DIP2C: variants seen among roughly 807,000 people sequenced by gnomAD.
The protein encoded by DIP2C is disco-interacting protein 2 homolog C.
In DIP2C, 33 loss-of-function variants were observed where a neutral mutation model predicts 192.4. The observed-to-expected ratio is 0.17, with a 90% CI of 0.13 to 0.23. The LOEUF is 0.23. DIP2C is among the 10% of genes least tolerant of loss of function. DIP2C has a pLI of 1.00. For synonymous variants in DIP2C, 979 were observed against 864.1 expected (o/e 1.13, Z -2.33); for missense variants, 1,537 against 2,110.1 (o/e 0.73, Z 5.32).
chr10:556,853 A>AG (rs1381502402), intron 1 of DIP2C, among the ~76,000 whole-genome samples: 1 of 152,212 alleles, frequency 6.6e-6, no homozygotes, highest in Non-Finnish European at 1.5e-5. Context: ...CGACCCTGGA[A>AG]GGGATCTGTG....
At chr10:625,637 G>A (rs780120228) in intron 1 of DIP2C, among the ~76,000 whole-genome samples, 9 of 152,182 alleles carry the variant, frequency 5.9e-5, no homozygotes, top group South Asian at 2.1e-4. Context: ...AAGATGCTAA[G>A]CCATGCACGG....
intron 1 of DIP2C, among the ~76,000 whole-genome samples, chr10:514,361 C>T (rs1315142790): frequency 6.6e-6 from 1 of 152,224 alleles, no homozygotes; most frequent in South Asian, 2.1e-4. Context: ...CCCAGTTCGA[C>T]GGCACTCAGT....
chr10:329,408 C>A (rs1957402621), intron 30 of DIP2C, 25 bp downstream of exon 30: 16 of 1,602,192 alleles, frequency 1.0e-5, no homozygotes, highest in Admixed American at 1.7e-5. Context: ...TCACAGGGCA[C>A]TGAGCTGCCA....
At chr10:539,509 C>G (rs1038997194) in intron 1 of DIP2C, among the ~76,000 whole-genome samples, 1 of 152,178 alleles carries the variant, frequency 6.6e-6, no homozygotes, top group South Asian at 2.1e-4. Flanking sequence ...TGCCCACAGA[C>G]CTTGGTATCC....
chr10:362,066 G>GAA (rs61354121), intron 22 of DIP2C, among the ~76,000 whole-genome samples: 3 of 145,286 alleles, frequency 2.1e-5, no homozygotes, highest in South Asian at 4.4e-4. Context: ...TGGTGTGGGG[G>GAA]AAAAAAAAAA....
rs143428878 is a variant in DIP2C at position 351,194 on chromosome 10, G to A, written c.2986-1740C>T. Among the ~76,000 whole-genome samples, 308 of 152,286 alleles carry A rather than the reference G, an allele frequency of 2.0e-3. 1 individual carries two copies. Among genetic ancestry groups the A allele is most frequent in the African/African-American group, 7.2e-3 (298 of 41,574 alleles). On this transcript the variant is annotated intron_variant, in intron 24 of 36. Coordinates refer to ENST00000280886, the MANE Select transcript of DIP2C (RefSeq NM_014974.3). ...GCAACCAAAAGGACGCCGCACGGAC[G>A]AACAGTATCTGGGGCTATTCATCGG... is the stretch of plus-strand genomic sequence containing the variant.
chr10:462,567 G>C (rs773201714), intron 3 of DIP2C, among the ~76,000 whole-genome samples: 10 of 152,232 alleles, frequency 6.6e-5, no homozygotes, highest in East Asian at 3.9e-4. Context: ...AGGACCAGAC[G>C]AATTCACAGC....
chr10:475,276 T>C (rs1391614404), intron 2 of DIP2C, among the ~76,000 whole-genome samples: 5 of 152,204 alleles, frequency 3.3e-5, no homozygotes, highest in African/African-American at 1.2e-4. Flanking sequence ...TTTCTCCATT[T>C]TGCTAAATGA....
chr10:617,961 G>A (rs1244622448), intron 1 of DIP2C, among the ~76,000 whole-genome samples: 1 of 152,014 alleles, frequency 6.6e-6, no homozygotes, highest in African/African-American at 2.4e-5. Context: ...TAGGAATCCT[G>A]CTTGCTTGTG....
At chr10:430,425 G>A (rs973784628) in intron 4 of DIP2C, 10 of 152,152 alleles carry the variant, frequency 6.6e-5, no homozygotes, top group East Asian at 1.9e-4. Context: ...ACAACAACCC[G>A]GAGCTCCTGG....
chr10:617,333 C>T (rs1053761620), intron 1 of DIP2C, among the ~76,000 whole-genome samples: 12 of 152,282 alleles, frequency 7.9e-5, no homozygotes, highest in African/African-American at 2.2e-4. Flanking sequence ...AGTTCCACCC[C>T]ACTCAGCTGT....
intron 1 of DIP2C, among the ~76,000 whole-genome samples, chr10:543,188 T>G (rs1261986645): frequency 6.6e-6 from 1 of 152,268 alleles, no homozygotes; most frequent in African/African-American, 2.4e-5. Flanking sequence ...CTGAATCTTC[T>G]GCGTTAGGAA....
intron 1 of DIP2C, among the ~76,000 whole-genome samples, chr10:639,291 T>G: frequency 7.6e-6 from 1 of 132,074 alleles, no homozygotes; most frequent in Non-Finnish European, 1.6e-5. Flanking sequence ...TGGGGACGCG[T>G]CAGGTCGGGA....
chr10:585,177 C>T (rs186644368), intron 1 of DIP2C, among the ~76,000 whole-genome samples: 1 of 152,186 alleles, frequency 6.6e-6, no homozygotes, highest in African/African-American at 2.4e-5. Context: ...CCTCTATGAG[C>T]CCGGAGAACA....
chr10:593,827 A>G (rs1367890723), intron 1 of DIP2C, among the ~76,000 whole-genome samples: 1 of 152,050 alleles, frequency 6.6e-6, no homozygotes, highest in Non-Finnish European at 1.5e-5. Context: ...AGCTTGTCTC[A>G]CTCACCTTCA....
Position 670,190 on chromosome 10 carries a change from A to T in DIP2C, c.85+19304T>A, listed in dbSNP as rs529417250. On this transcript the variant is annotated intron_variant, in intron 1 of 36. Transcript: ENST00000280886. ...CATGCATGAACATGTACACGTGTGT[A>T]CATGTGTGCACATGTATGCACACAT... is the stretch of plus-strand genomic sequence containing the variant. Among the ~76,000 whole-genome samples, 8 of 152,142 alleles carry T rather than the reference A, an allele frequency of 5.3e-5. No individual in the cohort carries two copies. In the South Asian group the frequency reaches 1.7e-3, roughly 31 times the overall value.
At position 344,877 on chromosome 10, in the gene DIP2C, A is replaced by C. The variant is rs747623359; in HGVS notation, c.3385T>G (p.Cys1129Gly). ...AGATATGCAAGAGTGTCTGGGTTGC[A>C]AGGTTTGCAGATCTGGGCAGGCCGC... is the stretch of plus-strand genomic sequence containing the variant. ...KKRPAQICKPCNPDTLAYLDF... is the reference protein window; with the variant it reads ...KKRPAQICKPGNPDTLAYLDF... The change falls in exon 28 of 37, where the codon TGC (cysteine) becomes GGC (glycine). Residue 1129 changes from cysteine (C) to glycine (G), a missense_variant. Coordinates refer to ENST00000280886, the MANE Select transcript of DIP2C (RefSeq NM_014974.3). The C allele has an allele frequency of 5.0e-6, 8 of 1,607,744 alleles. No individual in the cohort carries two copies. Among genetic ancestry groups the C allele is most frequent in the Middle Eastern group, 2.1e-4 (1 of 4,868 alleles).
In DIP2C at chr10:517,317, T is replaced by C. The variant is rs182305746; in HGVS notation, c.86-30787A>G. On this transcript the variant is annotated intron_variant, in intron 1 of 36. Transcript: ENST00000280886. ...TCCAGTTAACATGACACCCCCACTATGGTAGAACACAGCCCTAATTCAGAC... is the reference window on the plus strand; with the variant it reads ...TCCAGTTAACATGACACCCCCACTACGGTAGAACACAGCCCTAATTCAGAC... 1.1e-4 allele frequency among the ~76,000 whole-genome samples: 17 copies of C among 152,266 alleles called. No individual in the cohort carries two copies. The East Asian group carries it at 3.1e-3, about 28-fold the overall frequency.
At chr10:553,789 T>A (rs1383749091) in intron 1 of DIP2C, among the ~76,000 whole-genome samples, 1 of 149,336 alleles carries the variant, frequency 6.7e-6, no homozygotes, top group Non-Finnish European at 1.5e-5. Flanking sequence ...AGAAAAGGTA[T>A]ACCGCTTGTA....
Sources: gnomAD v4.1 joint callset for allele counts (sites outside exome capture counted in the v4.1 genomes callset) on GRCh38, gnomAD v4.1.1 for gene constraint, MANE v1.5 for transcripts, NCBI Gene and HGNC (gene_info 2026-07-23, HGNC 2026-07-21) for gene names.